Variants in AP3S1 observed in about 807,000 individuals in gnomAD.
AP3S1 encodes AP-3 complex subunit sigma-1.
Under a neutral mutation model 21.3 loss-of-function variants are expected in AP3S1, and 12 were observed. The ratio of observed to expected loss-of-function variants is 0.56; its 90% CI spans 0.36 to 0.91. AP3S1 has a LOEUF of 0.91. Among genes scored for constraint, AP3S1 ranks in the 40% least tolerant of loss-of-function variants. The pLI, the probability that AP3S1 is intolerant of heterozygous loss-of-function variation, is 0.01. For synonymous variants in AP3S1, 48 were observed against 78.4 expected, an observed-to-expected ratio of 0.61 and a Z score of 2.05; for missense variants, 116 against 225.0, an observed-to-expected ratio of 0.52 and a Z score of 3.10.
chr5:115,854,687 T>G (rs1762673238), intron 1 of AP3S1, among the ~76,000 whole-genome samples: 1 of 152,114 alleles, frequency 6.6e-6, no homozygotes, highest in South Asian at 2.1e-4. Context: ...CTCTTTTTTT[T>G]TTTTTAAGTG....
chr5:115,907,034 G>A (rs1442166767), intron 5 of AP3S1: 2 of 961,174 alleles, frequency 2.1e-6, no homozygotes, highest in African/African-American at 1.8e-5. Context: ...TCTTTTATTG[G>A]ACTTAGTGTA....
chr5:115,902,901 C>T lies in AP3S1; in HGVS notation c.362C>T (p.Ala121Val). The change falls in exon 5 of 6, where the codon GCA becomes GTA. Residue 121 changes from alanine (A) to valine (V), a missense_variant. Physicochemically the swap from Ala to Val is moderately conservative, Grantham distance 64. Transcript: ENST00000316788. The part of the protein sequence containing the change: ...FHVDKVHNIL[A>V]EMVMGGMVLE... ...TCCCTTTAGGTTCACAATATTCTTG[C>T]AGAAATGGTGATGGGGGGAATGGTA... 1.2e-6 allele frequency: 2 copies of T among 1,612,704 alleles called. No individual in the cohort carries two copies. Among genetic ancestry groups the T allele is most frequent in the Non-Finnish European group, 1.7e-6 (2 of 1,179,638 alleles).
At chr5:115,899,102 G>C (rs1165786887) in intron 4 of AP3S1, among the ~76,000 whole-genome samples, 1 of 152,198 alleles carries the variant, frequency 6.6e-6, no homozygotes, top group Non-Finnish European at 1.5e-5. Flanking sequence ...CTCCACAAGT[G>C]ATTAGGGTAG....
In AP3S1 at chr5:115,867,529, G is replaced by T. The variant is rs549917389; in HGVS notation, c.161+768G>T. ...GTATTTTACTGTGTATGATGGATGAGAAATACTCTGGATAACAGGGAATCC... is the reference window on the plus strand; with the variant it reads ...GTATTTTACTGTGTATGATGGATGATAAATACTCTGGATAACAGGGAATCC... On this transcript the variant is annotated intron_variant, in intron 2 of 5. Coordinates refer to ENST00000316788, the MANE Select transcript of AP3S1 (RefSeq NM_001284.4). Among the ~76,000 whole-genome samples the T allele has an allele frequency of 2.0e-5, 3 of 152,238 alleles. No individual in the cohort carries two copies. In the East Asian group the frequency reaches 5.8e-4, roughly 29 times the overall value.
intron 3 of AP3S1, among the ~76,000 whole-genome samples, chr5:115,881,907 C>T (rs534722979): frequency 3.3e-5 from 5 of 151,984 alleles, no homozygotes; most frequent in African/African-American, 9.6e-5. Flanking sequence ...CCTTTTCATT[C>T]TTTTTTCTCT....
At chr5:115,891,515 A>G (rs557387486) in intron 3 of AP3S1, among the ~76,000 whole-genome samples, 1 of 152,250 alleles carries the variant, frequency 6.6e-6, no homozygotes, top group South Asian at 2.1e-4. Context: ...AGTTTGATTA[A>G]TTTCTCAGAG....
At chr5:115,861,478 T>C (rs1561482813) in intron 1 of AP3S1, among the ~76,000 whole-genome samples, 1 of 152,220 alleles carries the variant, frequency 6.6e-6, no homozygotes, top group African/African-American at 2.4e-5. Flanking sequence ...CATCTTTGGT[T>C]AAATTTATTT....
chr5:115,863,718 G>T (rs1285941990), intron 1 of AP3S1, among the ~76,000 whole-genome samples: 2 of 152,158 alleles, frequency 1.3e-5, no homozygotes, highest in African/African-American at 4.8e-5. Flanking sequence ...TATAAGAAAG[G>T]CATATCTATA....
Position 115,913,966 on chromosome 5 carries a change from A to T in AP3S1, c.*476A>T, listed in dbSNP as rs1251368472. On this transcript the variant is annotated 3_prime_UTR_variant, in exon 6 of 6. Coordinates refer to ENST00000316788, the MANE Select transcript of AP3S1 (RefSeq NM_001284.4). ...TTTCTCTTAGTTTAAATAAACTCCA[A>T]GGTAACTGGACTTCTAAAGCACCTT... 6.5e-6 allele frequency: 1 copy of T among 152,764 alleles called. No homozygotes were observed. Among genetic ancestry groups the T allele is most frequent in the African/African-American group, 2.4e-5 (1 of 41,478 alleles). The allele number at this position is 152,764 out of a possible 1,614,324, so 9.5% of individuals were successfully genotyped here. A position where few individuals can be genotyped will look rare whatever the true frequency, so the allele number is the denominator to read the frequency against.
intron 1 of AP3S1, among the ~76,000 whole-genome samples, chr5:115,851,389 T>C (rs1762429193): frequency 1.3e-5 from 2 of 152,204 alleles, no homozygotes; most frequent in Admixed American, 6.5e-5. Flanking sequence ...TTTGCTTTTT[T>C]GTGGGGAAGC....
At chr5:115,861,972 T>G (rs1186313146) in intron 1 of AP3S1, among the ~76,000 whole-genome samples, 3 of 150,212 alleles carry the variant, frequency 2.0e-5, no homozygotes, top group African/African-American at 7.4e-5. Context: ...AGTGCTGAGA[T>G]TATAGGTGTG....
At chr5:115,849,187 C>G (rs1189931445) in intron 1 of AP3S1, among the ~76,000 whole-genome samples, 2 of 152,142 alleles carry the variant, frequency 1.3e-5, no homozygotes, top group African/African-American at 4.8e-5. Flanking sequence ...GGTTTACATT[C>G]TGGTGATAGG....
At chr5:115,862,605 A>T (rs931306976) in intron 1 of AP3S1, among the ~76,000 whole-genome samples, 1 of 152,200 alleles carries the variant, frequency 6.6e-6, no homozygotes, top group Non-Finnish European at 1.5e-5. Context: ...AATAATTCCA[A>T]CATTCTGTTG....
intron 4 of AP3S1, among the ~76,000 whole-genome samples, chr5:115,897,262 C>T (rs1750829110): frequency 6.6e-6 from 1 of 152,052 alleles, no homozygotes. Flanking sequence ...TTAGCCTGTT[C>T]ATTTTACACA....
chr5:115,905,672 G>A (rs1048523019), intron 5 of AP3S1, among the ~76,000 whole-genome samples: 6 of 152,072 alleles, frequency 3.9e-5, no homozygotes, highest in African/African-American at 1.4e-4. Context: ...TGTTTGAAAG[G>A]CTTCTAGCTT....
intron 1 of AP3S1, among the ~76,000 whole-genome samples, chr5:115,866,058 A>G (rs781259480): frequency 1.3e-5 from 2 of 152,138 alleles, no homozygotes; most frequent in Admixed American, 1.3e-4. Flanking sequence ...GGCCTCTCAG[A>G]GTGCTGGGAT....
intron 3 of AP3S1, among the ~76,000 whole-genome samples, chr5:115,891,766 G>A (rs962940588): frequency 6.6e-6 from 1 of 152,064 alleles, no homozygotes; most frequent in African/African-American, 2.4e-5. Context: ...CTGTATTCCT[G>A]GAAAAGCCAC....
At chr5:115,912,912 A>G (rs933894628) in intron 5 of AP3S1, among the ~76,000 whole-genome samples, 3 of 152,122 alleles carry the variant, frequency 2.0e-5, no homozygotes, top group Non-Finnish European at 4.4e-5. Flanking sequence ...AACAAGCACA[A>G]TCTATTACTT....
At chr5:115,871,695 A>AG (rs1303129795) in intron 3 of AP3S1, among the ~76,000 whole-genome samples, 6 of 152,084 alleles carry the variant, frequency 3.9e-5, no homozygotes, top group Non-Finnish European at 7.4e-5. Context: ...GAAAAAAAAA[A>AG]GTAACCATAT....
Sources: gnomAD v4.1 joint callset for allele counts (sites outside exome capture counted in the v4.1 genomes callset) on GRCh38, gnomAD v4.1.1 for gene constraint, MANE v1.5 for transcripts, NCBI Gene and HGNC (gene_info 2026-07-23, HGNC 2026-07-21) for gene names.